ACSM1: variants seen among roughly 807,000 people sequenced by gnomAD.
The protein encoded by ACSM1 is acyl-coenzyme A synthetase ACSM1, mitochondrial.
A neutral mutation model predicts 75.8 loss-of-function variants in ACSM1; 79 were observed. That is an observed-to-expected ratio of 1.04 (90% CI 0.87 to 1.26). ACSM1 has a LOEUF of 1.26. ACSM1 is among the 50% of genes most tolerant of loss of function. The pLI, the probability that ACSM1 is intolerant of heterozygous loss-of-function variation, is 0.00. For missense variants in ACSM1, 676 were observed against 720.1 expected (o/e 0.94, Z 0.70); for synonymous variants, 279 against 265.8 (o/e 1.05, Z -0.48).
chr16:20,659,248 C>G (rs958079565), intron 7 of ACSM1, among the ~76,000 whole-genome samples: 5 of 152,160 alleles, frequency 3.3e-5, no homozygotes, highest in African/African-American at 9.7e-5. Flanking sequence ...TCAGAGGACT[C>G]TAGGAACAAG....
intron 7 of ACSM1, among the ~76,000 whole-genome samples, chr16:20,641,377 G>A (rs2018050175): frequency 6.6e-6 from 1 of 152,066 alleles, no homozygotes; most frequent in South Asian, 2.1e-4. Flanking sequence ...GCTGAGTGTT[G>A]GGAAGAAAGC....
chr16:20,637,186 G>T, intron 9 of ACSM1, 185 bp downstream of exon 9: 1 of 768,550 alleles, frequency 1.3e-6, no homozygotes, highest in Admixed American at 1.7e-5. Context: ...AGGGTCAGCG[G>T]TGTTCATGCT....
At chr16:20,650,937 T>C (rs192297892) in intron 7 of ACSM1, among the ~76,000 whole-genome samples, 254 of 152,292 alleles carry the variant, frequency 1.7e-3, no homozygotes, top group African/African-American at 5.9e-3. Flanking sequence ...AAAACCACCA[T>C]TTGGATCTAA....
intron 1 of ACSM1, 33 bp downstream of exon 1, chr16:20,697,603 A>G (rs2079696929): frequency 6.8e-6 from 1 of 146,286 alleles, no homozygotes; most frequent in South Asian, 2.2e-4. Context: ...ACACACACAC[A>G]CAGATAGAAG....
In ACSM1 at chr16:20,648,129, G is replaced by A. The variant is rs542457092; in HGVS notation, c.993-7545C>T. Reference sequence around the variant, plus strand: ...CGGACTTCATTACCCCCACCACCTGGTGTTGGGCCTGATAACCCCAACATT... The same window carrying A: ...CGGACTTCATTACCCCCACCACCTGATGTTGGGCCTGATAACCCCAACATT... On this transcript the variant is annotated intron_variant, in intron 7 of 13. Coordinates refer to ENST00000520010, the MANE Select transcript of ACSM1 (RefSeq NM_001318890.3). The surrounding 1 kb of genome is among the most constrained non-coding windows in gnomAD (Gnocchi z 4.2). Among the ~76,000 whole-genome samples, 13 of 152,204 alleles carry A rather than the reference G, an allele frequency of 8.5e-5. No individual in the cohort carries two copies. The highest frequency in any genetic ancestry group is 6.2e-4 in the South Asian group (3 of 4,818).
intron 4 of ACSM1, among the ~76,000 whole-genome samples, chr16:20,672,960 CATATATAAAATTT>C (rs892388340): frequency 3.2e-4 from 44 of 137,354 alleles, no homozygotes; most frequent in Middle Eastern, 4.0e-3. Context: ...TATTATATCT[CATATATAAAATTT>C]ATATATAAAA....
At chr16:20,671,780 C>T in intron 4 of ACSM1, 109 bp from the exon 5 acceptor site, 2 of 1,274,574 alleles carry the variant, frequency 1.6e-6, no homozygotes, top group Non-Finnish European at 2.1e-6. Flanking sequence ...GAGTTTGCAA[C>T]ACTAGAGGAA....
intron 6 of ACSM1, among the ~76,000 whole-genome samples, chr16:20,662,491 G>A (rs1411802156): frequency 1.3e-5 from 2 of 152,146 alleles, no homozygotes; most frequent in Admixed American, 1.3e-4. Flanking sequence ...TGATTAATTG[G>A]CTGGATGTGT....
intron 2 of ACSM1, among the ~76,000 whole-genome samples, chr16:20,689,580 T>C (rs1471366626): frequency 2.0e-5 from 3 of 152,346 alleles, no homozygotes; most frequent in Admixed American, 6.5e-5. Flanking sequence ...TTCTATGTGA[T>C]TGAATATGAT....
intron 10 of ACSM1, 28 bp downstream of exon 10, chr16:20,636,711 A>C (rs375569615): frequency 1.9e-6 from 3 of 1,570,068 alleles, no homozygotes; most frequent in Non-Finnish European, 2.6e-6. Flanking sequence ...CCTTGGGGCC[A>C]GGATGGGGGC....
At chr16:20,661,759 C>T (rs758064480) in intron 7 of ACSM1, 35 bp downstream of exon 7, 7 of 1,480,520 alleles carry the variant, frequency 4.7e-6, no homozygotes, top group Middle Eastern at 1.7e-4. Context: ...TAAAATCTTA[C>T]CCAAAGATGT....
chr16:20,669,970 G>C lies in ACSM1; in HGVS notation c.769C>G (p.Leu257Val). 2 of 1,613,752 alleles carry C rather than the reference G, an allele frequency of 1.2e-6. No individual in the cohort carries two copies. Among genetic ancestry groups the C allele is most frequent in the Non-Finnish European group, 1.7e-6 (2 of 1,179,844 alleles). ...SFPGSRKLRS[L>V]KTSDVSWCLS... Reference sequence around the variant, plus strand: ...CACCAGGAGACATCAGATGTCTTCAGGCTCCGTAATTTCCTACTAACTCCA... The same window carrying C: ...CACCAGGAGACATCAGATGTCTTCACGCTCCGTAATTTCCTACTAACTCCA... Residue 257 changes from leucine (L) to valine (V), a missense_variant, in exon 6 of 14, where the codon CTG becomes GTG. Transcript: ENST00000520010.
intron 7 of ACSM1, among the ~76,000 whole-genome samples, chr16:20,654,002 C>T (rs992622839): frequency 2.0e-5 from 3 of 152,296 alleles, no homozygotes; most frequent in Non-Finnish European, 2.9e-5. Context: ...TGACTTCAAA[C>T]GATACCACAA....
At chr16:20,653,743 C>G (rs986093420) in intron 7 of ACSM1, among the ~76,000 whole-genome samples, 6 of 152,024 alleles carry the variant, frequency 3.9e-5, no homozygotes, top group African/African-American at 1.2e-4. Context: ...CACTGCTCAA[C>G]AAAATAAAAG....
chr16:20,661,862 T>C lies in ACSM1; in HGVS notation c.924A>G (p.Lys308=). The part of the protein sequence containing the change: ...DTKVIIQTLL[K]YPINHFWGVS... Reference sequence around the variant, plus strand: ...CCCCCCAAAAGTGGTTAATGGGGTATTTCAACAATGTCTGGAAAGGGAAGA... The same window carrying C: ...CCCCCCAAAAGTGGTTAATGGGGTACTTCAACAATGTCTGGAAAGGGAAGA... Residue 308 remains lysine, a synonymous_variant, in exon 7 of 14, where the codon AAA becomes AAG. Coordinates refer to ENST00000520010, the MANE Select transcript of ACSM1 (RefSeq NM_001318890.3). 6.2e-7 allele frequency: 1 copy of C among 1,606,192 alleles called. No individual in the cohort carries two copies. Among genetic ancestry groups the C allele is most frequent in the Non-Finnish European group, 8.5e-7 (1 of 1,173,936 alleles).
chr16:20,672,448 CAAAAA>C (rs528742963), intron 4 of ACSM1, among the ~76,000 whole-genome samples: 1 of 21,924 alleles, frequency 4.6e-5, no homozygotes, highest in South Asian at 2.8e-3. Flanking sequence ...AACTCCATCT[CAAAAA>C]AAAAAAAAAA....
intron 4 of ACSM1, among the ~76,000 whole-genome samples, chr16:20,672,895 A>G (rs1297806724): frequency 7.7e-6 from 1 of 130,466 alleles, no homozygotes; most frequent in Non-Finnish European, 1.5e-5. Context: ...ATAATATATA[A>G]TAAATATAAA....
intron 2 of ACSM1, among the ~76,000 whole-genome samples, chr16:20,686,453 A>T (rs979855264): frequency 6.6e-6 from 1 of 152,012 alleles, no homozygotes; most frequent in African/African-American, 2.4e-5. Context: ...GGAACAACAC[A>T]CACTGGGGCC....
chr16:20,657,144 A>T (rs2019013591), intron 7 of ACSM1, among the ~76,000 whole-genome samples: 1 of 152,204 alleles, frequency 6.6e-6, no homozygotes, highest in South Asian at 2.1e-4. Flanking sequence ...TATTTTTCAG[A>T]ACAATGCTTA....
Sources: gnomAD v4.1 joint callset for allele counts (sites outside exome capture counted in the v4.1 genomes callset) on GRCh38, gnomAD v4.1.1 for gene constraint, Gnocchi (gnomAD v3.1) non-coding constraint, MANE v1.5 for transcripts, NCBI Gene and HGNC (gene_info 2026-07-23, HGNC 2026-07-21) for gene names.